EYS: variants seen among roughly 807,000 people sequenced by gnomAD.
EYS encodes protein eyes shut homolog.
Under a neutral mutation model 282.1 loss-of-function variants are expected in EYS, and 250 were observed. The observed-to-expected ratio is 0.89, with a 90% CI of 0.80 to 0.98. EYS has a LOEUF of 0.98. EYS is among the 50% of genes least tolerant of loss of function. The probability of loss-of-function intolerance (pLI) is 0.00; values close to 1 mark genes in which losing one functional copy is unlikely to be tolerated. For synonymous variants in EYS, 1,355 were observed against 1,282.9 expected (o/e 1.06, Z -1.20); for missense variants, 4,016 against 3,709.0 (o/e 1.08, Z -2.15).
chr6:65,574,778 A>T (rs971928215), intron 2 of EYS, among the ~76,000 whole-genome samples: 1 of 152,152 alleles, frequency 6.6e-6, no homozygotes, highest in Non-Finnish European at 1.5e-5. Context: ...CCTAACAGAC[A>T]TATACAGAAC....
chr6:64,289,405 C>T (rs1462415382), intron 30 of EYS, among the ~76,000 whole-genome samples: 1 of 151,922 alleles, frequency 6.6e-6, no homozygotes, highest in African/African-American at 2.4e-5. Flanking sequence ...TTGTTGTATC[C>T]CATATCCCAG....
At chr6:64,842,826 T>C (rs1404508459) in intron 19 of EYS, among the ~76,000 whole-genome samples, 2 of 152,080 alleles carry the variant, frequency 1.3e-5, no homozygotes, top group Admixed American at 6.6e-5. Context: ...AAAAGCACTC[T>C]GTTTTAAAAG....
At chr6:64,735,836 T>G (rs1049387228) in intron 22 of EYS, among the ~76,000 whole-genome samples, 61 of 152,176 alleles carry the variant, frequency 4.0e-4, no homozygotes, top group African/African-American at 1.4e-3. Flanking sequence ...TACAAATTCC[T>G]ATTTCATGGA....
intron 9 of EYS, among the ~76,000 whole-genome samples, chr6:65,351,110 T>C (rs1361850916): frequency 1.3e-5 from 2 of 151,784 alleles, no homozygotes; most frequent in Non-Finnish European, 3.0e-5. Flanking sequence ...TTATTTTAAC[T>C]TCTATTTTGT....
chr6:65,139,302 G>A (rs1764261416), intron 12 of EYS, among the ~76,000 whole-genome samples: 1 of 151,980 alleles, frequency 6.6e-6, no homozygotes, highest in Non-Finnish European at 1.5e-5. Context: ...TGGAACTGAA[G>A]GCCGTTATCC....
At chr6:64,868,317 T>TA (rs1480809793) in intron 19 of EYS, among the ~76,000 whole-genome samples, 1 of 151,430 alleles carries the variant, frequency 6.6e-6, no homozygotes, top group Non-Finnish European at 1.5e-5. Context: ...CTCATTTTCA[T>TA]AGTGACAATT....
intron 22 of EYS, among the ~76,000 whole-genome samples, chr6:64,647,916 G>C (rs1768414240): frequency 6.6e-6 from 1 of 152,020 alleles, no homozygotes; most frequent in Non-Finnish European, 1.5e-5. Context: ...ATGGTTTTAA[G>C]GAAAAAACAT....
chr6:64,834,165 T>C (rs1765310653), intron 19 of EYS, among the ~76,000 whole-genome samples: 1 of 151,800 alleles, frequency 6.6e-6, no homozygotes, highest in African/African-American at 2.4e-5. Context: ...GCCAGAACAC[T>C]CAGAGTGGAA....
At chr6:63,883,772 T>G (rs1773192479) in intron 35 of EYS, among the ~76,000 whole-genome samples, 1 of 152,228 alleles carries the variant, frequency 6.6e-6, no homozygotes, top group South Asian at 2.1e-4. Context: ...AGTCTGTGTT[T>G]GCTCCCCATT....
chr6:64,512,064 T>C (rs888053993), intron 26 of EYS, among the ~76,000 whole-genome samples: 4 of 152,048 alleles, frequency 2.6e-5, no homozygotes, highest in African/African-American at 7.2e-5. Context: ...TGATAAATAC[T>C]CCTTTTAATT....
At chr6:65,474,635 T>G (rs1010493492) in intron 5 of EYS, among the ~76,000 whole-genome samples, 2 of 152,142 alleles carry the variant, frequency 1.3e-5, no homozygotes, top group African/African-American at 4.8e-5. Flanking sequence ...ATGGCTGGCA[T>G]CAACTTCCAG....
At chr6:64,795,258 C>T (rs1322897969) in intron 22 of EYS, among the ~76,000 whole-genome samples, 1 of 150,480 alleles carries the variant, frequency 6.6e-6, no homozygotes, top group Admixed American at 6.6e-5. Context: ...AAGAAGTAGA[C>T]ATTGCCTTTT....
chr6:64,901,824 C>T (rs11754628), intron 18 of EYS, among the ~76,000 whole-genome samples: 4,721 of 152,096 alleles, frequency 0.031, 132 homozygotes, highest in East Asian at 0.13. Flanking sequence ...ACAACAATTT[C>T]GGGAGACTCT....
chr6:64,248,281 G>A (rs1767084830), intron 30 of EYS, among the ~76,000 whole-genome samples: 1 of 142,006 alleles, frequency 7.0e-6, no homozygotes. Flanking sequence ...ATCATTTAAG[G>A]CAAAGTGAAG....
intron 24 of EYS, among the ~76,000 whole-genome samples, chr6:64,604,887 A>C (rs1766874423): frequency 6.6e-6 from 1 of 152,022 alleles, no homozygotes; most frequent in African/African-American, 2.4e-5. Flanking sequence ...ATATTGCTGC[A>C]GAAAGTTGAT....
intron 26 of EYS, among the ~76,000 whole-genome samples, chr6:64,479,219 T>C (rs1776364362): frequency 6.6e-6 from 1 of 152,006 alleles, no homozygotes; most frequent in Non-Finnish European, 1.5e-5. Context: ...TCATAAGCTG[T>C]TGTCTGAACT....
intron 1 of EYS, among the ~76,000 whole-genome samples, chr6:65,706,021 A>G (rs1242158012): frequency 6.6e-6 from 1 of 151,874 alleles, no homozygotes; most frequent in Non-Finnish European, 1.5e-5. Context: ...TAAATATAGT[A>G]TGAAAATTAA....
chr6:65,509,641 T>C (rs2127286239), intron 2 of EYS, among the ~76,000 whole-genome samples: 1 of 152,336 alleles, frequency 6.6e-6, no homozygotes, highest in East Asian at 1.9e-4. Flanking sequence ...CTTGCAAATA[T>C]TTCCTAACAA....
intron 35 of EYS, among the ~76,000 whole-genome samples, chr6:63,966,093 CA>C (rs1287922345): frequency 6.6e-6 from 1 of 152,054 alleles, no homozygotes. Context: ...TGAAGCATTG[CA>C]AAGCACTTAA....
Sources: allele counts gnomAD v4.1 joint callset (sites outside exome capture counted in the v4.1 genomes callset), GRCh38; gene constraint gnomAD v4.1.1; transcripts MANE v1.5; gene names NCBI Gene and HGNC (gene_info 2026-07-23, HGNC 2026-07-21).